The following PCM1 variants were observed in gnomAD, a reference collection of about 807,000 sequenced individuals.
PCM1 encodes the protein pericentriolar material 1.
Under a neutral mutation model 241.9 loss-of-function variants are expected in PCM1, and 157 were observed. That is an observed-to-expected ratio of 0.65 (90% confidence interval 0.57 to 0.74). The LOEUF (loss-of-function observed/expected upper bound fraction) is 0.74. Ranked by LOEUF, PCM1 falls within the 30% of genes least tolerant of loss-of-function variation. PCM1 has a pLI of 0.00. For synonymous variants in PCM1, 1,085 were observed against 784.9 expected, an observed-to-expected ratio of 1.38 and a Z score of -6.39; for missense variants, 3,478 against 2,360.1, an observed-to-expected ratio of 1.47 and a Z score of -9.81.
rs1489794576 is a variant in PCM1 at position 17,991,570 on chromosome 8, A to T, written c.4560A>T (p.Ala1520=). The change falls in exon 28 of 39, where the codon GCA becomes GCT. Residue 1520 remains alanine, a synonymous_variant. Transcript: ENST00000325083. ...ACACCGTGATTCACTTAGATCAAGCATTAGCCAGAATGAGAGAATATGAGC... is the reference window on the plus strand; with the variant it reads ...ACACCGTGATTCACTTAGATCAAGCTTTAGCCAGAATGAGAGAATATGAGC... ...LGNTVIHLDQ[A]LARMREYERM... The T allele has an allele frequency of 1.2e-6, 2 of 1,602,580 alleles. No individual in the cohort carries two copies. Among genetic ancestry groups the T allele is most frequent in the Non-Finnish European group, 1.7e-6 (2 of 1,174,174 alleles).
intron 38 of PCM1, among the ~76,000 whole-genome samples, chr8:18,026,469 T>G (rs1439822542): frequency 6.6e-6 from 1 of 151,228 alleles, no homozygotes; most frequent in Non-Finnish European, 1.5e-5. Context: ...ACCAAGTTAC[T>G]CAGATGGTCT....
chr8:18,013,549 A>G (rs989129517), intron 34 of PCM1, among the ~76,000 whole-genome samples: 2 of 152,160 alleles, frequency 1.3e-5, no homozygotes, highest in African/African-American at 4.8e-5. Flanking sequence ...CAACATCATC[A>G]TGTCTTCCTT....
chr8:17,937,213 G>T lies in PCM1; in HGVS notation c.176G>T (p.Arg59Ile). The change falls in exon 4 of 39, where the codon AGA becomes ATA. Residue 59 changes from arginine (R) to isoleucine (I), a missense_variant. By Grantham distance (97) the Arg-to-Ile change is moderately conservative (BLOSUM62 -3). Transcript: ENST00000325083. ...AAGTTTGGTGTAGAAAGTGATAAAA[G>T]AGTAACCAATGATATTTCTCCGGAG... ...KKKFGVESDK[R>I]VTNDISPESS... 6.2e-7 allele frequency: 1 copy of T among 1,605,614 alleles called. No individual in the cohort carries two copies. Among genetic ancestry groups the T allele is most frequent in the Non-Finnish European group, 8.5e-7 (1 of 1,174,762 alleles).
At chr8:17,935,202 C>G (rs2060081662) in intron 2 of PCM1, among the ~76,000 whole-genome samples, 1 of 152,214 alleles carries the variant, frequency 6.6e-6, no homozygotes, top group South Asian at 2.1e-4. Context: ...TCATCTTCAT[C>G]CCAAGTCCAT....
At chr8:17,949,305 C>T (rs1209668327) in intron 7 of PCM1, among the ~76,000 whole-genome samples, 2 of 151,846 alleles carry the variant, frequency 1.3e-5, no homozygotes, top group Non-Finnish European at 2.9e-5. Flanking sequence ...ATTATGTTAC[C>T]TCAAAGAGTG....
chr8:18,010,330 CAG>C (rs1588439561), intron 31 of PCM1, among the ~76,000 whole-genome samples: 1 of 152,172 alleles, frequency 6.6e-6, no homozygotes, highest in African/African-American at 2.4e-5. Context: ...AAGACCCAAA[CAG>C]AGATGGCTCT....
At chr8:17,988,000 A>G (rs1438710140) in intron 26 of PCM1, among the ~76,000 whole-genome samples, 2 of 151,738 alleles carry the variant, frequency 1.3e-5, no homozygotes, top group Admixed American at 1.3e-4. Context: ...TAAGATGTGT[A>G]AGAGATACCT....
chr8:17,929,736 G>C lies in PCM1; in HGVS notation c.-23+4956G>C, dbSNP rs546180890. Among the ~76,000 whole-genome samples, 155 of 152,284 alleles carry C rather than the reference G, an allele frequency of 1.0e-3. 1 individual carries two copies. Among genetic ancestry groups the C allele is most frequent in the African/African-American group, 3.7e-3 (153 of 41,544 alleles). On this transcript the variant is annotated intron_variant, in intron 2 of 38. Transcript: ENST00000325083. Reference sequence around the variant, plus strand: ...GGGATACCTTCCAGAGACCCCCAGTGCATGCCTGAAACTGTGGGTAGTACC... The same window carrying C: ...GGGATACCTTCCAGAGACCCCCAGTCCATGCCTGAAACTGTGGGTAGTACC...
rs1054753707 is a variant in PCM1, at chr8:17,937,282, C to T, written c.245C>T (p.Thr82Met). The change falls in exon 4 of 39, where the codon ACG (threonine) becomes ATG (methionine). Residue 82 changes from threonine to methionine, a missense_variant. Transcript: ENST00000325083. ...AGGCGAAGAACAAAGACTCCACATA[C>T]GTTCCCACACAGTAGATACATGAGT... ...VGRRRTKTPH[T>M]FPHSRYMSQM... 1.4e-5 allele frequency: 23 copies of T among 1,609,598 alleles called. No homozygotes were observed. Among genetic ancestry groups the T allele is most frequent in the African/African-American group, 4.0e-5 (3 of 74,832 alleles).
intron 2 of PCM1, among the ~76,000 whole-genome samples, chr8:17,931,390 T>C (rs1427290174): frequency 1.3e-5 from 2 of 151,950 alleles, no homozygotes; most frequent in South Asian, 2.1e-4. Flanking sequence ...CCGGGTTCAA[T>C]TGATTCTTCT....
intron 27 of PCM1, among the ~76,000 whole-genome samples, chr8:17,990,624 T>TA (rs2084290382): frequency 6.6e-6 from 1 of 152,064 alleles, no homozygotes; most frequent in East Asian, 1.9e-4. Flanking sequence ...AGATACTTGA[T>TA]ACGTTTCTAG....
rs1190549825 is a variant in PCM1 at position 18,011,350 on chromosome 8, A to T, written c.5334A>T (p.Gly1778=). Residue 1778 remains glycine (G), a synonymous_variant, in exon 33 of 39, where the codon GGA becomes GGT. Coordinates refer to ENST00000325083, the MANE Select transcript of PCM1 (RefSeq NM_006197.4). ...AAGAGGAAGATGAAGAAAGTGAAGG[A>T]TGTCCAGTGTCTATTAGTAAGTTTA... ...SDQEEDEESE[G]CPVSINLSKA... 6.3e-7 allele frequency: 1 copy of T among 1,598,878 alleles called. No homozygotes were observed. The highest frequency in any genetic ancestry group is 1.3e-5 in the African/African-American group (1 of 74,312).
At chr8:18,019,606 G>A (rs1295527611) in intron 36 of PCM1, among the ~76,000 whole-genome samples, 6 of 152,156 alleles carry the variant, frequency 3.9e-5, no homozygotes, top group Admixed American at 1.3e-4. Flanking sequence ...TAAGGAGCAC[G>A]CAACCTAGAT....
intron 2 of PCM1, chr8:17,934,812 C>G (rs986354163): frequency 6.6e-6 from 1 of 152,174 alleles, no homozygotes; most frequent in Non-Finnish European, 1.5e-5. Context: ...GCCTTTGAAC[C>G]TCTACTTCCA....
chr8:17,930,866 C>CA lies in PCM1; in HGVS notation c.-22-4721dup, dbSNP rs546939806. On this transcript the variant is annotated intron_variant, in intron 2 of 38. Transcript: ENST00000325083. The stretch of plus-strand genomic sequence containing the variant: ...CTGCACTCCAGCCTGGGTGACAGAG[C>CA]AAGACTCTGTCTCCAAAAAAAAAAA... 4.7e-3 allele frequency among the ~76,000 whole-genome samples: 711 copies of CA among 150,234 alleles called. 7 individuals carry two copies. The highest frequency in any genetic ancestry group is 0.017 in the African/African-American group (681 of 40,810).
intron 30 of PCM1, 120 bp downstream of exon 30, chr8:18,006,517 C>G: frequency 1.6e-6 from 1 of 640,470 alleles, no homozygotes; most frequent in Non-Finnish European, 2.8e-6. Flanking sequence ...TCCAATCTAG[C>G]GTCCATTTGG....
intron 38 of PCM1, 60 bp from the exon 39 acceptor site, chr8:18,027,577 A>G (rs1177440987): frequency 1.7e-6 from 2 of 1,195,158 alleles, no homozygotes; most frequent in East Asian, 4.8e-5. Context: ...GACAGAGAAC[A>G]ATGTTAAATT....
At position 18,009,667 on chromosome 8, in the gene PCM1, A is replaced by G. The variant is rs1318684555; in HGVS notation, c.5083A>G (p.Asn1695Asp). ...AFFKLMQDLD[N>D]NSITVKQRCK... is the part of the protein sequence containing the mutation. ...CTTTAAGCTTATGCAAGATTTGGAT[A>G]ATAATAGTATAACTGTTAAACAGAG... The change falls in exon 31 of 39, where the codon AAT (asparagine) becomes GAT (aspartate). Residue 1695 changes from asparagine (N) to aspartate (D), a missense_variant. Physicochemically the swap from Asn to Asp is conservative, Grantham distance 23. Coordinates refer to ENST00000325083, the MANE Select transcript of PCM1 (RefSeq NM_006197.4). The G allele has an allele frequency of 2.5e-6, 4 of 1,581,286 alleles. No individual in the cohort carries two copies. The highest frequency in any genetic ancestry group is 1.3e-5 in the African/African-American group (1 of 74,076).
rs182372099 is a variant in PCM1 at position 17,997,972 on chromosome 8, G to A, written c.4827+4353G>A. On this transcript the variant is annotated intron_variant, in intron 29 of 38. Coordinates refer to ENST00000325083, the MANE Select transcript of PCM1 (RefSeq NM_006197.4). ...AATCGCTTGAACCCGGGAGGCGGAG[G>A]TTGCAGTGAGCCGAGATTGTGCCAC... 6.3e-3 allele frequency among the ~76,000 whole-genome samples: 961 copies of A among 151,432 alleles called. 20 individuals carry two copies. The highest frequency in any genetic ancestry group is 0.022 in the African/African-American group (923 of 41,182).
Sources: gnomAD v4.1 joint callset for allele counts (sites outside exome capture counted in the v4.1 genomes callset) on GRCh38, gnomAD v4.1.1 for gene constraint, MANE v1.5 for transcripts, NCBI Gene and HGNC (gene_info 2026-07-23, HGNC 2026-07-21) for gene names.